The following NIT1 variants were observed in gnomAD, a reference collection of about 807,000 sequenced individuals.
NIT1 encodes the protein deaminated glutathione amidase.
Under a neutral mutation model 36.8 loss-of-function variants are expected in NIT1, and 30 were observed. The observed-to-expected ratio is 0.82, with a 90% CI of 0.61 to 1.11. NIT1 has a LOEUF of 1.11. NIT1 is among the 50% of genes least tolerant of loss of function. NIT1 has a pLI of 0.00. For missense variants in NIT1, 438 were observed against 410.6 expected (o/e 1.07, Z -0.58); for synonymous variants, 151 against 155.6 (o/e 0.97, Z 0.22).
At chr1:161,118,710 A>G (rs951177648) in intron 1 of NIT1, 76 bp from the exon 2 acceptor site, 2 of 1,477,166 alleles carry the variant, frequency 1.4e-6, no homozygotes, top group Non-Finnish European at 1.9e-6. Flanking sequence ...TCACAGTATA[A>G]AGAGAGAAGT....
chr1:161,119,685 A>G, intron 4 of NIT1, 73 bp downstream of exon 4: 3 of 1,586,898 alleles, frequency 1.9e-6, no homozygotes, highest in Non-Finnish European at 2.6e-6. Flanking sequence ...TTGTTTCTCA[A>G]CTCTTATTTC....
downstream of NIT1, chr1:161,121,254 G>A: frequency 1.1e-6 from 1 of 905,254 alleles, no homozygotes; most frequent in Non-Finnish European, 1.3e-6. Flanking sequence ...GGAGGAGGGG[G>A]AAGGAAAAAG....
In NIT1 at chr1:161,118,157, A is replaced by T; in HGVS notation, c.-20A>T. 2 of 1,613,962 alleles carry T rather than the reference A, an allele frequency of 1.2e-6. No homozygotes were observed. The highest frequency in any genetic ancestry group is 1.6e-4 in the Middle Eastern group (1 of 6,062). On this transcript the variant is annotated 5_prime_UTR_variant, in exon 1 of 7. It removes an upstream start codon present in the reference 5' UTR. Transcript: ENST00000368009. ...CCGCCCTCCGGATCGGACCCTGCGAATGGTTTTGGCTATATCTTCATGTAG... is the reference window on the plus strand; with the variant it reads ...CCGCCCTCCGGATCGGACCCTGCGATTGGTTTTGGCTATATCTTCATGTAG...
At chr1:161,118,329 G>A (rs1418656740) in intron 1 of NIT1, 151 bp downstream of exon 1, 10 of 1,530,840 alleles carry the variant, frequency 6.5e-6, no homozygotes, top group Non-Finnish European at 8.8e-6. Context: ...CGCGGCTTGG[G>A]GCCTGGGTTC....
chr1:161,120,953 G>C lies in NIT1; in HGVS notation c.*188G>C. On this transcript the variant is annotated 3_prime_UTR_variant, in exon 7 of 7. Transcript: ENST00000368009. ...TTCACCTGAGCTTCACCTGAGGTCA[G>C]ACTGCAGTTTCAGAAAGGTGGAATT... 7.0e-7 allele frequency: 1 copy of C among 1,421,896 alleles called. No homozygotes were observed. The highest frequency in any genetic ancestry group is 9.2e-7 in the Non-Finnish European group (1 of 1,092,056). The allele number at this position is 1,421,896 out of a possible 1,614,324, so 88.1% of individuals were successfully genotyped here. A position where few individuals can be genotyped will look rare whatever the true frequency, so the allele number is the denominator to read the frequency against.
chr1:161,118,567 G>T, intron 1 of NIT1: 1 of 1,536,238 alleles, frequency 6.5e-7, no homozygotes, highest in South Asian at 1.2e-5. Context: ...ATCATTGGAA[G>T]TTGAACTATT....
downstream of NIT1, chr1:161,122,024 T>TAAAAA: frequency 6.6e-6 from 7 of 1,068,130 alleles, no homozygotes; most frequent in Non-Finnish European, 9.0e-6. This position sits in a 1 kb window ranked among gnomAD's most constrained non-coding sequence, Gnocchi z 4.2. Context: ...TCTTTTTCTT[T>TAAAAA]AAAAAAAAAA....
chr1:161,121,134 A>G lies in NIT1; in HGVS notation c.*369A>G. On this transcript the variant is annotated 3_prime_UTR_variant, in exon 7 of 7. Coordinates refer to ENST00000368009, the MANE Select transcript of NIT1 (RefSeq NM_005600.3). ...TATTGTACCAGCTGGACTAAGCTCC[A>G]GTTCTAGACCTCCTGGCTCATTCAA... is the stretch of plus-strand genomic sequence containing the variant. The G allele has an allele frequency of 1.8e-6, 2 of 1,096,018 alleles. No individual in the cohort carries two copies. Among genetic ancestry groups the G allele is most frequent in the Non-Finnish European group, 2.2e-6 (2 of 895,030 alleles). The allele number at this position is 1,096,018 out of a possible 1,614,324, so 67.9% of individuals were successfully genotyped here.
downstream of NIT1, among the ~76,000 whole-genome samples, chr1:161,123,385 A>G (rs1480794672): frequency 6.6e-6 from 1 of 152,216 alleles, no homozygotes; most frequent in Non-Finnish European, 1.5e-5. Context: ...CACGCCTGTA[A>G]TCCCAGCACT....
downstream of NIT1, chr1:161,125,216 A>G (rs1405811751): frequency 6.6e-6 from 1 of 152,224 alleles, no homozygotes; most frequent in African/African-American, 2.4e-5. Context: ...ATGAATGAAT[A>G]TACACCTCAG....
chr1:161,121,791 G>A (rs991834629), downstream of NIT1: 6 of 185,080 alleles, frequency 3.2e-5, no homozygotes, highest in Admixed American at 3.2e-4. Flanking sequence ...AAAGCCAGAA[G>A]TATTGATAAC....
At chr1:161,124,474 A>G, downstream of NIT1, 5 of 1,592,232 alleles carry the variant, frequency 3.1e-6, no homozygotes, top group African/African-American at 1.3e-5. Context: ...CTGGGGGCTC[A>G]GGTACGCAAT....
chr1:161,122,946 T>C, downstream of NIT1: 6 of 1,574,990 alleles, frequency 3.8e-6, no homozygotes, highest in Non-Finnish European at 4.4e-6. This position sits in a 1 kb window ranked among gnomAD's most constrained non-coding sequence, Gnocchi z 4.2. Context: ...ACCAAACCAT[T>C]CAGCCTCACT....
At chr1:161,120,080 T>G (rs1195019858) in intron 5 of NIT1, 27 bp from the exon 6 acceptor site, 2 of 1,613,942 alleles carry the variant, frequency 1.2e-6, no homozygotes, top group South Asian at 1.1e-5. Flanking sequence ...GCAGGAAGAC[T>G]ACTAAGTAGG....
chr1:161,124,692 G>GTGTGAGCCCCTGT, downstream of NIT1: 3 of 914,804 alleles, frequency 3.3e-6, no homozygotes, highest in Non-Finnish European at 4.5e-6. Flanking sequence ...CCAGGCACAG[G>GTGTGAGCCCCTGT]GGCTCACACC....
downstream of NIT1, chr1:161,123,291 TGAGG>T: frequency 7.0e-7 from 1 of 1,433,150 alleles, no homozygotes; most frequent in Non-Finnish European, 9.8e-7. Context: ...TCTGTTGGAA[TGAGG>T]AAGGAATCAT....
intron 1 of NIT1, chr1:161,118,428 C>T (rs1235456408): frequency 6.5e-7 from 1 of 1,535,322 alleles, no homozygotes; most frequent in African/African-American, 1.4e-5. Context: ...AAATATGCTT[C>T]GAGTCAGTAA....
chr1:161,120,695 G>A lies in NIT1; in HGVS notation c.914G>A (p.Arg305His), dbSNP rs780298602. 14 of 1,613,778 alleles carry A rather than the reference G, an allele frequency of 8.7e-6. No individual in the cohort carries two copies. The East Asian group carries it at 1.6e-4, about 18-fold the overall frequency. ...RIDLNYLRQL[R>H]RHLPVFQHRR... The stretch of plus-strand genomic sequence containing the variant: ...GACCTCAACTATCTGCGACAGTTGC[G>A]CCGACACCTGCCTGTGTTCCAGCAC... Residue 305 changes from arginine (R) to histidine (H), a missense_variant, in exon 7 of 7, where the codon CGC becomes CAC. By Grantham distance (29) the Arg-to-His change is conservative. Coordinates refer to ENST00000368009, the MANE Select transcript of NIT1 (RefSeq NM_005600.3).
At chr1:161,123,960 A>C (rs750567656), downstream of NIT1, 80 of 1,612,364 alleles carry the variant, frequency 5.0e-5, no homozygotes, top group Non-Finnish European at 6.6e-5. Flanking sequence ...TAGGAGGAGA[A>C]GTAATCATTC....
Sources: allele counts gnomAD v4.1 joint callset (sites outside exome capture counted in the v4.1 genomes callset), GRCh38; gene constraint gnomAD v4.1.1; non-coding constraint Gnocchi (gnomAD v3.1); transcripts MANE v1.5; gene names NCBI Gene and HGNC (gene_info 2026-07-23, HGNC 2026-07-21).